The following SLC4A10 variants were observed in gnomAD, a reference collection of about 807,000 sequenced individuals.
SLC4A10 encodes the protein solute carrier family 4 member 10.
In SLC4A10, 42 loss-of-function variants were observed where a neutral mutation model predicts 137.7. That is an observed-to-expected ratio of 0.30 (90% confidence interval 0.24 to 0.39). SLC4A10 has a LOEUF of 0.39. Among genes scored for constraint, SLC4A10 ranks in the 10% least tolerant of loss-of-function variants. SLC4A10 has a pLI of 1.00. For synonymous variants in SLC4A10, 474 were observed against 464.1 expected (o/e 1.02, Z -0.27); for missense variants, 925 against 1,355.0 (o/e 0.68, Z 4.98).
intron 24 of SLC4A10, among the ~76,000 whole-genome samples, chr2:161,975,337 T>C (rs73003589): frequency 0.097 from 14,749 of 152,166 alleles, 1,576 homozygotes; most frequent in East Asian, 0.24. Context: ...GTTAAATAAG[T>C]TTGAAAAAAT....
chr2:161,957,352 A>G, intron 20 of SLC4A10, 112 bp downstream of exon 20: 1 of 1,211,208 alleles, frequency 8.3e-7, no homozygotes, highest in Non-Finnish European at 1.1e-6. Flanking sequence ...CATGTGATGA[A>G]AGTGATGAAT....
At chr2:161,754,934 C>T (rs994237120) in intron 1 of SLC4A10, among the ~76,000 whole-genome samples, 31 of 152,054 alleles carry the variant, frequency 2.0e-4, no homozygotes. Flanking sequence ...AGGAATTTAG[C>T]CTGTCAAAAG....
At chr2:161,774,683 T>C (rs1400795884) in intron 2 of SLC4A10, among the ~76,000 whole-genome samples, 1 of 151,880 alleles carries the variant, frequency 6.6e-6, no homozygotes, top group East Asian at 1.9e-4. Flanking sequence ...TGCCTCAATA[T>C]GAGACAACTG....
In SLC4A10 at chr2:161,786,934, C is replaced by T. The variant is rs142678276; in HGVS notation, c.130+15880C>T. ...TTGTTAGCTAGTTGCTTTGCAGTCT[C>T]AGTGGTGTAATTGCTTTATAGGATC... On this transcript the variant is annotated intron_variant, in intron 2 of 26. Coordinates refer to ENST00000446997, the MANE Select transcript of SLC4A10 (RefSeq NM_001178015.2). Among the ~76,000 whole-genome samples the T allele has an allele frequency of 6.2e-3, 936 of 151,748 alleles. 12 individuals carry two copies. The highest frequency in any genetic ancestry group is 0.022 in the African/African-American group (891 of 41,406).
chr2:161,783,690 T>C (rs2053304580), intron 2 of SLC4A10, among the ~76,000 whole-genome samples: 1 of 151,764 alleles, frequency 6.6e-6, no homozygotes, highest in Admixed American at 6.6e-5. Context: ...ACTTAAGTTG[T>C]TATCAGGAAA....
intron 1 of SLC4A10, among the ~76,000 whole-genome samples, chr2:161,762,268 T>A (rs1038942518): frequency 2.6e-5 from 4 of 152,040 alleles, no homozygotes; most frequent in Non-Finnish European, 5.9e-5. Flanking sequence ...AATATGAGTT[T>A]AAAAACCTAA....
intron 15 of SLC4A10, among the ~76,000 whole-genome samples, chr2:161,906,895 A>AT (rs1219762012): frequency 6.6e-6 from 1 of 151,926 alleles, no homozygotes; most frequent in Non-Finnish European, 1.5e-5. Flanking sequence ...TCTACTAAAA[A>AT]ACACAAAAAA....
chr2:161,747,089 C>T (rs1488828687), intron 1 of SLC4A10, among the ~76,000 whole-genome samples: 1 of 152,032 alleles, frequency 6.6e-6, no homozygotes, highest in Non-Finnish European at 1.5e-5. Flanking sequence ...TACATGCACC[C>T]CAAACCTACT....
chr2:161,629,607 A>G (rs1367488669), intron 1 of SLC4A10, among the ~76,000 whole-genome samples: 2 of 151,858 alleles, frequency 1.3e-5, no homozygotes, highest in Admixed American at 6.6e-5. Context: ...TGGACATCCT[A>G]TAGTTTTGAA....
chr2:161,700,341 G>T (rs551010024), intron 1 of SLC4A10, among the ~76,000 whole-genome samples: 1 of 152,104 alleles, frequency 6.6e-6, no homozygotes, highest in South Asian at 2.1e-4. Flanking sequence ...TATAGCCATC[G>T]CATTTATTCA....
rs540729481 is a variant in SLC4A10, at chr2:161,703,410, A to C, written c.49-67563A>C. The stretch of plus-strand genomic sequence containing the variant: ...GTTAATATAATACTTGGTAAAGATT[A>C]ATAGTTTACTATCATTTTAGGTGTA... On this transcript the variant is annotated intron_variant, in intron 1 of 26. Transcript: ENST00000446997. 2.6e-5 allele frequency among the ~76,000 whole-genome samples: 4 copies of C among 151,836 alleles called. No individual in the cohort carries two copies. In the South Asian group the frequency reaches 8.3e-4, roughly 32 times the overall value.
intron 1 of SLC4A10, among the ~76,000 whole-genome samples, chr2:161,728,428 T>A (rs958911009): frequency 5.9e-5 from 9 of 151,888 alleles, no homozygotes; most frequent in African/African-American, 1.7e-4. Flanking sequence ...ATACAAAAAT[T>A]AGCTGGGCAT....
intron 1 of SLC4A10, among the ~76,000 whole-genome samples, chr2:161,762,140 AGAGT>A (rs1372050049): frequency 6.6e-6 from 1 of 152,106 alleles, no homozygotes; most frequent in East Asian, 1.9e-4. Flanking sequence ...AAGGAAAGAG[AGAGT>A]GATTTATTGG....
intron 1 of SLC4A10, among the ~76,000 whole-genome samples, chr2:161,656,047 C>T (rs1001809079): frequency 1.5e-4 from 23 of 151,946 alleles, no homozygotes; most frequent in Admixed American, 1.0e-3. Context: ...CTCCTGACCT[C>T]GTGATCCAAC....
chr2:161,886,029 G>A (rs1429414203), intron 10 of SLC4A10, among the ~76,000 whole-genome samples: 1 of 152,084 alleles, frequency 6.6e-6, no homozygotes, highest in Non-Finnish European at 1.5e-5. Flanking sequence ...AGCCAGGGAG[G>A]TGGAGGTTGC....
intron 1 of SLC4A10, among the ~76,000 whole-genome samples, chr2:161,701,893 A>T (rs1007127451): frequency 2.0e-5 from 3 of 151,912 alleles, no homozygotes; most frequent in Non-Finnish European, 4.4e-5. Context: ...TATGAAAAAG[A>T]CAAAAAATAA....
chr2:161,978,557 G>A (rs944966095), intron 26 of SLC4A10, among the ~76,000 whole-genome samples: 2 of 152,082 alleles, frequency 1.3e-5, no homozygotes, highest in African/African-American at 4.8e-5. Context: ...TAGACTTAGA[G>A]AATATATCTC....
At chr2:161,637,760 C>T (rs1055596595) in intron 1 of SLC4A10, among the ~76,000 whole-genome samples, 4 of 152,110 alleles carry the variant, frequency 2.6e-5, no homozygotes, top group Admixed American at 6.6e-5. Context: ...TCTCCACATT[C>T]TTGCCAGCAT....
rs1051161556 is a variant in SLC4A10, at chr2:161,895,375, A to G, written c.1341+550A>G. ...GTGAATAGTGCCGCAATAAACATAC[A>G]TGTGCATGTGTCTTTATGGCAGCAT... On this transcript the variant is annotated intron_variant, in intron 11 of 26. Transcript: ENST00000446997. Among the ~76,000 whole-genome samples, 191 of 152,106 alleles carry G rather than the reference A, an allele frequency of 1.3e-3. 1 individual carries two copies. Among genetic ancestry groups the G allele is most frequent in the African/African-American group, 4.4e-3 (182 of 41,514 alleles).
Sources: allele counts gnomAD v4.1 joint callset (sites outside exome capture counted in the v4.1 genomes callset), GRCh38; gene constraint gnomAD v4.1.1; transcripts MANE v1.5; gene names NCBI Gene and HGNC (gene_info 2026-07-23, HGNC 2026-07-21).